Variants in PPHLN1 observed in about 807,000 individuals in gnomAD.
The protein encoded by PPHLN1 is periphilin-1.
PPHLN1 carries 29 observed loss-of-function variants against 51.3 expected under a neutral mutation model. The ratio of observed to expected loss-of-function variants is 0.57; its 90% CI spans 0.42 to 0.77. The LOEUF is 0.77. Among genes scored for constraint, PPHLN1 ranks in the 30% least tolerant of loss-of-function variants. The pLI is 0.00. For missense variants in PPHLN1, 436 were observed against 438.4 expected (o/e 0.99, Z 0.05); for synonymous variants, 147 against 147.8 (o/e 0.99, Z 0.04).
chr12:42,368,177 A>G (rs1330791857), intron 4 of PPHLN1, among the ~76,000 whole-genome samples: 1 of 152,138 alleles, frequency 6.6e-6, no homozygotes, highest in African/African-American at 2.4e-5. Context: ...TGGTATTTTG[A>G]TACAAAATGG....
At chr12:42,380,656 A>G (rs950127072) in intron 5 of PPHLN1, among the ~76,000 whole-genome samples, 2 of 152,166 alleles carry the variant, frequency 1.3e-5, no homozygotes, top group African/African-American at 2.4e-5. Flanking sequence ...TAGACTTATT[A>G]GTAATGTAGC....
At chr12:42,414,762 C>T (rs1024408506) in intron 9 of PPHLN1, among the ~76,000 whole-genome samples, 2 of 152,144 alleles carry the variant, frequency 1.3e-5, no homozygotes, top group African/African-American at 4.8e-5. Context: ...TTTGAATGCC[C>T]TTTATTTCTT....
intron 9 of PPHLN1, among the ~76,000 whole-genome samples, chr12:42,425,186 T>A (rs1203808648): frequency 6.6e-6 from 1 of 151,082 alleles, no homozygotes; most frequent in Non-Finnish European, 1.5e-5. Flanking sequence ...TTCAAGCAAT[T>A]CTCCCACCTC....
At chr12:42,376,419 T>C (rs1436882378) in intron 5 of PPHLN1, among the ~76,000 whole-genome samples, 1 of 152,184 alleles carries the variant, frequency 6.6e-6, no homozygotes. Flanking sequence ...GAGTGGGGCT[T>C]CCCAAAAAAC....
intron 5 of PPHLN1, among the ~76,000 whole-genome samples, chr12:42,381,817 CTCTTCATA>C (rs2076780968): frequency 6.6e-6 from 1 of 152,152 alleles, no homozygotes; most frequent in Non-Finnish European, 1.5e-5. Context: ...ATCTTAATTT[CTCTTCATA>C]TCTTCAGCTG....
chr12:42,404,465 G>T (rs1198443375), intron 9 of PPHLN1, among the ~76,000 whole-genome samples: 2 of 152,094 alleles, frequency 1.3e-5, no homozygotes. Flanking sequence ...GGAGGCAGAG[G>T]TTGCAGTGAG....
intron 2 of PPHLN1, among the ~76,000 whole-genome samples, chr12:42,348,623 A>G (rs1372044615): frequency 6.6e-6 from 1 of 152,206 alleles, no homozygotes; most frequent in East Asian, 1.9e-4. Context: ...CTCTCTATTC[A>G]TAGAAGTGTT....
chr12:42,332,250 G>A (rs1263640915), intron 1 of PPHLN1, among the ~76,000 whole-genome samples: 1 of 152,106 alleles, frequency 6.6e-6, no homozygotes, highest in Non-Finnish European at 1.5e-5. Flanking sequence ...TTGAATATAA[G>A]GTGATATTAG....
chr12:42,447,948 C>T (rs1593089427), downstream of PPHLN1: 1 of 152,074 alleles, frequency 6.6e-6, no homozygotes, highest in Non-Finnish European at 1.5e-5. Flanking sequence ...AAAACATAAG[C>T]CAAGCTAAAT....
Position 42,363,759 on chromosome 12 carries a change from A to G in PPHLN1, c.299+8537A>G, listed in dbSNP as rs192339857. On this transcript the variant is annotated intron_variant, in intron 4 of 9. Coordinates refer to ENST00000358314, the MANE Select transcript of PPHLN1 (RefSeq NM_201439.2). ...CTCGTCTTGTTTCTGTATTTACACA[A>G]TGATTATATTGTCTATTTTTTCAAA... Among the ~76,000 whole-genome samples, 9 of 152,286 alleles carry G rather than the reference A, an allele frequency of 5.9e-5. No homozygotes were observed. In the East Asian group the frequency reaches 1.3e-3, roughly 23 times the overall value.
At chr12:42,327,758 C>T (rs1289382215) in intron 1 of PPHLN1, among the ~76,000 whole-genome samples, 1 of 152,166 alleles carries the variant, frequency 6.6e-6, no homozygotes, top group African/African-American at 2.4e-5. Context: ...GTAGCTAATA[C>T]AGTTCTTGGC....
intron 9 of PPHLN1, among the ~76,000 whole-genome samples, chr12:42,411,172 A>G (rs2079776417): frequency 6.6e-6 from 1 of 150,552 alleles, no homozygotes; most frequent in Non-Finnish European, 1.5e-5. Context: ...TGTTTCTTTC[A>G]TATCTTGTGA....
At chr12:42,426,161 T>C (rs1018839347) in intron 9 of PPHLN1, among the ~76,000 whole-genome samples, 7 of 136,852 alleles carry the variant, frequency 5.1e-5, no homozygotes, top group African/African-American at 2.0e-4. Flanking sequence ...AGTACAGTAT[T>C]AGACTTGACA....
At chr12:42,346,291 TTTG>T (rs1294588995) in intron 2 of PPHLN1, among the ~76,000 whole-genome samples, 5 of 152,120 alleles carry the variant, frequency 3.3e-5, no homozygotes, top group Non-Finnish European at 7.4e-5. Flanking sequence ...TGAGCTCTTT[TTTG>T]TTTTTTTTAA....
chr12:42,423,693 T>TC (rs2081193457), intron 9 of PPHLN1, among the ~76,000 whole-genome samples: 2 of 148,668 alleles, frequency 1.3e-5, no homozygotes, highest in South Asian at 4.2e-4. Context: ...TTTTTTTTTT[T>TC]CTGAGACTGA....
At chr12:42,426,812 A>G (rs1220147853) in intron 9 of PPHLN1, among the ~76,000 whole-genome samples, 1 of 151,990 alleles carries the variant, frequency 6.6e-6, no homozygotes, top group Non-Finnish European at 1.5e-5. Context: ...TAAAACTTCT[A>G]TGTTCTGAGA....
intron 4 of PPHLN1, among the ~76,000 whole-genome samples, chr12:42,372,498 A>G (rs1235903362): frequency 6.6e-6 from 1 of 152,214 alleles, no homozygotes; most frequent in Non-Finnish European, 1.5e-5. Flanking sequence ...ATTTCAATGT[A>G]GGAAACCTTT....
chr12:42,426,349 A>G (rs2081499201), intron 9 of PPHLN1, among the ~76,000 whole-genome samples: 1 of 152,180 alleles, frequency 6.6e-6, no homozygotes, highest in Non-Finnish European at 1.5e-5. Flanking sequence ...TATCTTTGCT[A>G]AGGATTTAGT....
chr12:42,331,601 G>A (rs559910315), intron 1 of PPHLN1, among the ~76,000 whole-genome samples: 10 of 152,258 alleles, frequency 6.6e-5, no homozygotes, highest in East Asian at 5.8e-4. Context: ...TAAACATACC[G>A]TCTTCATTGA....
Sources: allele counts gnomAD v4.1 joint callset (sites outside exome capture counted in the v4.1 genomes callset), GRCh38; gene constraint gnomAD v4.1.1; transcripts MANE v1.5; gene names NCBI Gene and HGNC (gene_info 2026-07-23, HGNC 2026-07-21).